Variants in CTNNA3 observed in about 807,000 individuals in gnomAD.
The protein encoded by CTNNA3 is catenin alpha 3.
A neutral mutation model predicts 95.7 loss-of-function variants in CTNNA3; 76 were observed. The ratio of observed to expected loss-of-function variants is 0.79; its 90% CI spans 0.66 to 0.96. The LOEUF is 0.96. Among genes scored for constraint, CTNNA3 ranks in the 40% least tolerant of loss-of-function variants. The pLI is 0.00. For missense variants in CTNNA3, 1,191 were observed against 1,089.8 expected (o/e 1.09, Z -1.31); for synonymous variants, 431 against 374.4 (o/e 1.15, Z -1.74).
chr10:67,250,503 C>T (rs1162793174), intron 5 of CTNNA3, among the ~76,000 whole-genome samples: 2 of 151,556 alleles, frequency 1.3e-5, no homozygotes, highest in Non-Finnish European at 2.9e-5. Context: ...GCATGAGCCA[C>T]CGCGCCCGGC....
intron 7 of CTNNA3, among the ~76,000 whole-genome samples, chr10:66,969,173 A>G (rs2132817171): frequency 6.6e-6 from 1 of 152,236 alleles, no homozygotes; most frequent in African/African-American, 2.4e-5. Flanking sequence ...TTAATAAGAA[A>G]ATGTAACATA....
chr10:66,746,705 G>A (rs961881623), intron 9 of CTNNA3, among the ~76,000 whole-genome samples: 3 of 152,064 alleles, frequency 2.0e-5, no homozygotes, highest in Admixed American at 6.6e-5. Context: ...CAAAAATTGT[G>A]GTAGAGAGAG....
chr10:67,291,882 T>C (rs150660011), intron 5 of CTNNA3, among the ~76,000 whole-genome samples: 7 of 152,328 alleles, frequency 4.6e-5, no homozygotes, highest in African/African-American at 1.4e-4. Flanking sequence ...AGAAACGGCA[T>C]ACAAATGTAT....
intron 13 of CTNNA3, among the ~76,000 whole-genome samples, chr10:66,181,390 C>T (rs6480144): frequency 0.4 from 60,894 of 151,942 alleles, 13,327 homozygotes; most frequent in African/African-American, 0.59. Context: ...AATACAAAAA[C>T]ATAACATTGT....
At chr10:67,556,763 G>C (rs992279840) in intron 3 of CTNNA3, among the ~76,000 whole-genome samples, 3 of 151,990 alleles carry the variant, frequency 2.0e-5, no homozygotes, top group Non-Finnish European at 1.5e-5. Flanking sequence ...CTTCAGTTCT[G>C]CTCTGATCTT....
Position 66,377,695 on chromosome 10 carries a change from C to T in CTNNA3, c.1732+1457G>A, listed in dbSNP as rs74141464. Among the ~76,000 whole-genome samples, 408 of 151,726 alleles carry T rather than the reference C, an allele frequency of 2.7e-3. 3 individuals are homozygous for T. Among genetic ancestry groups the T allele is most frequent in the African/African-American group, 9.2e-3 (383 of 41,436 alleles). On this transcript the variant is annotated intron_variant, in intron 12 of 17. Transcript: ENST00000433211. Reference sequence around the variant, plus strand: ...GTTACATTCTTCTTTTACTTACATTCTATTCTCAGAAGGTAGAAAAAAATC... The same window carrying T: ...GTTACATTCTTCTTTTACTTACATTTTATTCTCAGAAGGTAGAAAAAAATC...
chr10:67,407,183 A>C (rs975719873), intron 5 of CTNNA3, among the ~76,000 whole-genome samples: 26 of 152,232 alleles, frequency 1.7e-4, no homozygotes, highest in African/African-American at 6.0e-4. Flanking sequence ...AATACTGGCA[A>C]ACTGAATCTA....
chr10:67,674,810 A>C (rs925064939), intron 1 of CTNNA3, among the ~76,000 whole-genome samples: 1 of 151,964 alleles, frequency 6.6e-6, no homozygotes, highest in Admixed American at 6.6e-5. Context: ...TTCCTTACTG[A>C]CTTCAAAGAA....
chr10:66,764,536 A>T (rs1328917994), intron 9 of CTNNA3, among the ~76,000 whole-genome samples: 1 of 152,210 alleles, frequency 6.6e-6, no homozygotes, highest in Non-Finnish European at 1.5e-5. Flanking sequence ...CTTCTTCATC[A>T]AAAAACTAAA....
chr10:67,009,608 A>G, intron 7 of CTNNA3, among the ~76,000 whole-genome samples: 1 of 151,532 alleles, frequency 6.6e-6, no homozygotes, highest in East Asian at 1.9e-4. Context: ...CTAATCTTCC[A>G]ATGTTTTTTG....
At chr10:66,719,444 A>C (rs1848556246) in intron 9 of CTNNA3, among the ~76,000 whole-genome samples, 1 of 152,220 alleles carries the variant, frequency 6.6e-6, no homozygotes, top group Non-Finnish European at 1.5e-5. Flanking sequence ...ATACTTAATT[A>C]TTTCAACAAA....
intron 1 of CTNNA3, among the ~76,000 whole-genome samples, chr10:67,718,902 G>A (rs913850960): frequency 2.6e-5 from 4 of 152,244 alleles, no homozygotes; most frequent in South Asian, 4.1e-4. Flanking sequence ...TTGTACCTCT[G>A]GTAGAATTCG....
At chr10:66,605,824 G>T (rs146926588) in intron 10 of CTNNA3, among the ~76,000 whole-genome samples, 252 of 152,240 alleles carry the variant, frequency 1.7e-3, no homozygotes, top group Admixed American at 3.3e-3. Context: ...AATGTGGAAA[G>T]ACTGTTACCA....
chr10:67,436,226 G>A (rs1033046201), intron 5 of CTNNA3, among the ~76,000 whole-genome samples: 1 of 152,028 alleles, frequency 6.6e-6, no homozygotes, highest in Non-Finnish European at 1.5e-5. Flanking sequence ...AGTGAGGAGA[G>A]GACACCCTTT....
At chr10:67,096,952 A>G (rs1379554835) in intron 7 of CTNNA3, among the ~76,000 whole-genome samples, 1 of 151,934 alleles carries the variant, frequency 6.6e-6, no homozygotes, top group East Asian at 1.9e-4. Context: ...AATAAATATT[A>G]AGAAGTCATG....
At chr10:67,646,381 A>G (rs1839713959) in intron 2 of CTNNA3, among the ~76,000 whole-genome samples, 1 of 151,700 alleles carries the variant, frequency 6.6e-6, no homozygotes, top group Admixed American at 6.6e-5. Flanking sequence ...AAGTCTCCAC[A>G]GTCATCTAGT....
rs547260753 is a variant in CTNNA3 at position 67,208,931 on chromosome 10, G to A, written c.843+10676C>T. On this transcript the variant is annotated intron_variant, in intron 6 of 17. Transcript: ENST00000433211. ...ATACCAGACAAATTGAATCAGAGTA[G>A]ACACTATTAAAATAAAGAGGAACAT... Among the ~76,000 whole-genome samples, 326 of 152,176 alleles carry A rather than the reference G, an allele frequency of 2.1e-3. 1 individual carries two copies. Among genetic ancestry groups the A allele is most frequent in the Non-Finnish European group, 3.8e-3 (260 of 68,002 alleles).
At chr10:66,199,501 G>A (rs1056480695) in intron 13 of CTNNA3, among the ~76,000 whole-genome samples, 1 of 151,314 alleles carries the variant, frequency 6.6e-6, no homozygotes, top group African/African-American at 2.4e-5. Flanking sequence ...TGCTATGTAT[G>A]TATGGTCTTT....
rs142652957 is a variant in CTNNA3 at position 67,409,422 on chromosome 10, C to T, written c.579+112420G>A. 5.0e-3 allele frequency among the ~76,000 whole-genome samples: 759 copies of T among 152,220 alleles called. 10 individuals carry two copies. Among genetic ancestry groups the T allele is most frequent in the African/African-American group, 0.017 (717 of 41,524 alleles). ...ATGCAGCCATAAAAAGGAACAAGAT[C>T]GTGTCCTTTGCAGGAACATGGATGG... On this transcript the variant is annotated intron_variant, in intron 5 of 17. Transcript: ENST00000433211.
Sources: gnomAD v4.1 joint callset for allele counts (sites outside exome capture counted in the v4.1 genomes callset) on GRCh38, gnomAD v4.1.1 for gene constraint, MANE v1.5 for transcripts, NCBI Gene and HGNC (gene_info 2026-07-23, HGNC 2026-07-21) for gene names.